POLI: variants seen among roughly 807,000 people sequenced by gnomAD.
The protein encoded by POLI is RAD30 homolog B.
A neutral mutation model predicts 51.6 loss-of-function variants in POLI; 58 were observed. The observed-to-expected ratio is 1.12, with a 90% CI of 0.91 to 1.40. POLI has a LOEUF of 1.40. Among genes scored for constraint, POLI ranks in the 40% most tolerant of loss-of-function variants. POLI has a pLI of 0.00. For missense variants in POLI, 921 were observed against 871.3 expected, an observed-to-expected ratio of 1.06 and a Z score of -0.72; for synonymous variants, 322 against 299.7, an observed-to-expected ratio of 1.07 and a Z score of -0.77.
chr18:54,317,275 C>T (rs1471784589), intron 3 of POLI, among the ~76,000 whole-genome samples: 1 of 152,112 alleles, frequency 6.6e-6, no homozygotes, highest in African/African-American at 2.4e-5. Context: ...CTCAGATAAC[C>T]CACAGCCAAT....
intron 1 of POLI, chr18:54,270,052 C>G: frequency 1.0e-6 from 1 of 999,812 alleles, no homozygotes; most frequent in Non-Finnish European, 1.2e-6. Context: ...GGATCTCAGT[C>G]CTGGCAGGAA....
At position 54,294,644 on chromosome 18, in the gene POLI, A is replaced by G. The variant is rs752756815; in HGVS notation, c.*177A>G. On this transcript the variant is annotated 3_prime_UTR_variant, in exon 10 of 10. Transcript: ENST00000579534. ...CTGGCACAAAGCGTAAAAATATAAC[A>G]GAAGAAATAATGTAAAATACTATCT... The G allele has an allele frequency of 7.9e-7, 1 of 1,267,858 alleles. No homozygotes were observed. 78.5% of individuals were successfully genotyped at this position (1,267,858 alleles called of 1,614,324 possible). A position where few individuals can be genotyped will look rare whatever the true frequency, so the allele number is the denominator to read the frequency against.
At chr18:54,280,543 T>G in intron 4 of POLI, 124 bp from the exon 5 acceptor site, 1 of 645,696 alleles carries the variant, frequency 1.5e-6, no homozygotes. Flanking sequence ...CAGGTGATGA[T>G]GGTGGTGGTT....
Position 54,294,239 on chromosome 18 carries a change from G to A in POLI, c.1995G>A (p.Glu665=), listed in dbSNP as rs1398750010. 6.2e-7 allele frequency: 1 copy of A among 1,613,552 alleles called. No homozygotes were observed. Among genetic ancestry groups the A allele is most frequent in the Non-Finnish European group, 8.5e-7 (1 of 1,179,712 alleles). ...ATTCATTTCCAAACTTGCAGAGTGA[G>A]CAACTTTTCTCCAGAAACCACACTA... ...AFHSFPNLQS[E]QLFSRNHTTD... The change falls in exon 10 of 10, where the codon GAG becomes GAA. Residue 665 remains glutamate (E), a synonymous_variant. Transcript: ENST00000579534.
At chr18:54,301,516 A>C (rs2088491356), downstream of POLI, among the ~76,000 whole-genome samples, 1 of 152,208 alleles carries the variant, frequency 6.6e-6, no homozygotes, top group South Asian at 2.1e-4. Context: ...TACATTCAGG[A>C]GAAACCATAC....
chr18:54,284,330 GAGA>G (rs534500210), intron 7 of POLI, among the ~76,000 whole-genome samples: 92 of 152,318 alleles, frequency 6.0e-4, no homozygotes, highest in Non-Finnish European at 5.6e-4. Flanking sequence ...GTCTTCAGGT[GAGA>G]AGAAGAAGTT....
intron 3 of POLI, among the ~76,000 whole-genome samples, chr18:54,306,434 C>T (rs1345920296): frequency 1.3e-5 from 2 of 152,098 alleles, no homozygotes; most frequent in Non-Finnish European, 2.9e-5. Flanking sequence ...CCCACTTGAT[C>T]GTGGTGGATA....
chr18:54,283,154 A>T (rs976751113), intron 6 of POLI, 139 bp downstream of exon 6: 10 of 529,108 alleles, frequency 1.9e-5, no homozygotes, highest in Non-Finnish European at 3.3e-5. Flanking sequence ...CTGATTTATT[A>T]TTAATAGATT....
Position 54,294,431 on chromosome 18 carries a change from G to A in POLI, c.2187G>A (p.Lys729=). 1 of 1,610,268 alleles carries A rather than the reference G, an allele frequency of 6.2e-7. No homozygotes were observed. Among genetic ancestry groups the A allele is most frequent in the Non-Finnish European group, 8.5e-7 (1 of 1,178,294 alleles). The change falls in exon 10 of 10, where the codon AAG becomes AAA. Residue 729 remains lysine, a synonymous_variant. Coordinates refer to ENST00000579534, the MANE Select transcript of POLI (RefSeq NM_007195.3). ...AVQKELLAEW[K]RAGSDFHIGH... The stretch of plus-strand genomic sequence containing the variant: ...AAAAGGAACTGCTGGCAGAGTGGAA[G>A]AGAGCAGGATCAGATTTCCACATTG...
chr18:54,314,045 G>A (rs1340445652), intron 3 of POLI, among the ~76,000 whole-genome samples: 15 of 152,052 alleles, frequency 9.9e-5, no homozygotes, highest in Non-Finnish European at 4.4e-5. Context: ...AAGGGAATGC[G>A]TCCAGCTTTT....
At chr18:54,307,801 G>A (rs2088612570) in intron 3 of POLI, among the ~76,000 whole-genome samples, 1 of 152,060 alleles carries the variant, frequency 6.6e-6, no homozygotes, top group Admixed American at 6.6e-5. Context: ...AGGATAGTTA[G>A]CTCTTCTTGT....
chr18:54,271,818 G>A (rs2087015608), intron 2 of POLI, among the ~76,000 whole-genome samples: 1 of 152,158 alleles, frequency 6.6e-6, no homozygotes, highest in African/African-American at 2.4e-5. Flanking sequence ...CTCAAAAACA[G>A]CCTCTTATTA....
At chr18:54,284,962 G>T (rs574935726) in intron 7 of POLI, among the ~76,000 whole-genome samples, 2 of 152,132 alleles carry the variant, frequency 1.3e-5, no homozygotes, top group Non-Finnish European at 2.9e-5. Context: ...TGGTTTCAGG[G>T]CTCTAACAGT....
At chr18:54,306,503 A>G (rs573777166) in intron 3 of POLI, among the ~76,000 whole-genome samples, 2 of 151,652 alleles carry the variant, frequency 1.3e-5, no homozygotes, top group East Asian at 3.9e-4. Flanking sequence ...TTTTTGCATC[A>G]ATGTTCATCA....
chr18:54,299,029 T>A (rs546066357), downstream of POLI, among the ~76,000 whole-genome samples: 1 of 152,220 alleles, frequency 6.6e-6, no homozygotes, highest in East Asian at 1.9e-4. Flanking sequence ...ATGAGTGAAA[T>A]ACATTTAATA....
chr18:54,299,010 GA>G (rs1233289676), downstream of POLI, among the ~76,000 whole-genome samples: 1 of 152,122 alleles, frequency 6.6e-6, no homozygotes, highest in African/African-American at 2.4e-5. Flanking sequence ...ATTGTAAATT[GA>G]AAATATCATG....
Position 54,274,571 on chromosome 18 carries a change from A to G in POLI, c.406+481A>G, listed in dbSNP as rs149832681. ...ATTAATATTTTCTTAGGTTTTATAT[A>G]TATACTAAATATTACAATGTAGCTA... On this transcript the variant is annotated intron_variant, in intron 3 of 9. Coordinates refer to ENST00000579534, the MANE Select transcript of POLI (RefSeq NM_007195.3). Among the ~76,000 whole-genome samples the G allele has an allele frequency of 9.5e-3, 1,446 of 151,908 alleles. 13 individuals are homozygous for G. The highest frequency in any genetic ancestry group is 0.033 in the African/African-American group (1,372 of 41,534).
In POLI at chr18:54,313,082, G is replaced by T. The variant is rs547361264; in HGVS notation, c.334-7191G>T. On this transcript the variant is annotated intron_variant, in intron 3 of 4. Coordinates refer to the POLI transcript ENST00000579823. ...TTTTCTTCTAAGAATTTTGTAGTTT[G>T]ATGGCTTACATTTAAGTCTAATCCA... is the stretch of plus-strand genomic sequence containing the variant. Among the ~76,000 whole-genome samples, 3 of 152,190 alleles carry T rather than the reference G, an allele frequency of 2.0e-5. 1 individual carries two copies. In the South Asian group the frequency reaches 6.2e-4, roughly 32 times the overall value.
downstream of POLI, among the ~76,000 whole-genome samples, chr18:54,303,153 G>A (rs766002749): frequency 1.3e-5 from 2 of 152,146 alleles, no homozygotes; most frequent in Admixed American, 6.5e-5. Context: ...AAGCTCTCAT[G>A]GTAGGACACC....
Sources: allele counts gnomAD v4.1 joint callset (sites outside exome capture counted in the v4.1 genomes callset), GRCh38; gene constraint gnomAD v4.1.1; transcripts MANE v1.5; gene names NCBI Gene and HGNC (gene_info 2026-07-23, HGNC 2026-07-21).